The following TRPC6 variants were observed in gnomAD, a reference collection of about 807,000 sequenced individuals.
TRPC6 encodes the protein transient receptor potential cation channel subfamily C member 6, also known as short transient receptor potential channel 6.
TRPC6 carries 55 observed loss-of-function variants against 90.7 expected under a neutral mutation model. The ratio of observed to expected loss-of-function variants is 0.61; its 90% CI spans 0.49 to 0.76. The LOEUF (loss-of-function observed/expected upper bound fraction) is 0.76, where lower values mean the gene tolerates loss of function less well. TRPC6 is among the 30% of genes least tolerant of loss of function. TRPC6 has a pLI of 0.00. For missense variants in TRPC6, 989 were observed against 1,122.7 expected, an observed-to-expected ratio of 0.88 and a Z score of 1.70; for synonymous variants, 393 against 393.0, an observed-to-expected ratio of 1.00 and a Z score of 0.00.
At chr11:101,517,356 T>C (rs1358519467) in intron 1 of TRPC6, among the ~76,000 whole-genome samples, 2 of 152,244 alleles carry the variant, frequency 1.3e-5, no homozygotes, top group Non-Finnish European at 2.9e-5. Context: ...TTACCCTTTT[T>C]CTCTTATGCT....
chr11:101,564,794 C>T (rs1861793338), intron 1 of TRPC6, among the ~76,000 whole-genome samples: 2 of 151,952 alleles, frequency 1.3e-5, no homozygotes, highest in Non-Finnish European at 2.9e-5. Flanking sequence ...AAGTTGGAGG[C>T]ATCACACAAC....
intron 2 of TRPC6, among the ~76,000 whole-genome samples, chr11:101,497,928 A>G (rs533194395): frequency 3.3e-5 from 5 of 152,298 alleles, no homozygotes; most frequent in African/African-American, 7.2e-5. Context: ...ATAAAAAGAA[A>G]CATTGTGTGT....
chr11:101,578,322 G>A (rs1862117295), intron 1 of TRPC6, among the ~76,000 whole-genome samples: 1 of 151,816 alleles, frequency 6.6e-6, no homozygotes, highest in South Asian at 2.1e-4. Flanking sequence ...ACTTCTTTAA[G>A]AGACTAGTTA....
chr11:101,470,820 C>A (rs978820524), intron 9 of TRPC6, among the ~76,000 whole-genome samples: 1 of 102,296 alleles, frequency 9.8e-6, no homozygotes, highest in African/African-American at 4.0e-5. Context: ...CCCCCCCCCT[C>A]CCCGAGTCAT....
At chr11:101,575,268 T>A (rs1478002473) in intron 1 of TRPC6, among the ~76,000 whole-genome samples, 1 of 152,204 alleles carries the variant, frequency 6.6e-6, no homozygotes, top group African/African-American at 2.4e-5. Flanking sequence ...AGTTTGTGGA[T>A]CTTTGGTAAC....
At chr11:101,562,394 C>T (rs1591139627) in intron 1 of TRPC6, among the ~76,000 whole-genome samples, 1 of 152,116 alleles carries the variant, frequency 6.6e-6, no homozygotes, top group South Asian at 2.1e-4. Flanking sequence ...AAGCTTATGG[C>T]TTCATCTTGA....
At chr11:101,539,864 G>T (rs531747075) in intron 1 of TRPC6, among the ~76,000 whole-genome samples, 1 of 152,282 alleles carries the variant, frequency 6.6e-6, no homozygotes, top group East Asian at 1.9e-4. Flanking sequence ...GGGAGTGTTT[G>T]TGAAAGGAAG....
At chr11:101,457,022 T>A (rs573211365) in intron 10 of TRPC6, among the ~76,000 whole-genome samples, 2 of 152,262 alleles carry the variant, frequency 1.3e-5, no homozygotes, top group African/African-American at 4.8e-5. Context: ...TAATATATAA[T>A]TGTTTCCATG....
intron 1 of TRPC6, among the ~76,000 whole-genome samples, chr11:101,556,144 A>G (rs908618064): frequency 3.9e-5 from 6 of 152,186 alleles, no homozygotes; most frequent in Non-Finnish European, 8.8e-5. Context: ...TAACAACCTA[A>G]TATTATACCT....
At chr11:101,496,514 A>G (rs1859953151) in intron 2 of TRPC6, among the ~76,000 whole-genome samples, 1 of 152,226 alleles carries the variant, frequency 6.6e-6, no homozygotes, top group Non-Finnish European at 1.5e-5. Context: ...GAAATGGAAT[A>G]CAATTTCAAA....
chr11:101,566,313 A>C (rs1861828236), intron 1 of TRPC6, among the ~76,000 whole-genome samples: 1 of 152,092 alleles, frequency 6.6e-6, no homozygotes, highest in Non-Finnish European at 1.5e-5. Context: ...TCTTCATTTC[A>C]GTATTTAAGA....
At position 101,455,100 on chromosome 11, in the gene TRPC6, A is replaced by T. The variant is rs1858853619; in HGVS notation, c.2486T>A (p.Val829Asp). The T allele has an allele frequency of 2.5e-6, 4 of 1,611,344 alleles. No homozygotes were observed. Among genetic ancestry groups the T allele is most frequent in the Middle Eastern group, 1.7e-4 (1 of 6,040 alleles). The change falls in exon 11 of 13, where the codon GTT becomes GAT. Residue 829 changes from valine (V) to aspartate (D), a missense_variant and splice_region_variant. Val to Asp is a radical substitution (Grantham distance 152). Around this residue, in one of 4 missense-constraint regions of TRPC6, gnomAD observed 191 missense variants for 196.7 expected, o/e 0.97. Transcript: ENST00000344327. ...LSKLSLDKKQ[V>D]GHNKQPSIRS... is the part of the protein sequence containing the mutation. ...TATACTTGGTTGTTTATTGTGCCCAACCTGTAATTTGAAAAGATTTAGAAA... is the reference window on the plus strand; with the variant it reads ...TATACTTGGTTGTTTATTGTGCCCATCCTGTAATTTGAAAAGATTTAGAAA...
At chr11:101,500,535 T>G (rs1454512440) in intron 2 of TRPC6, among the ~76,000 whole-genome samples, 1 of 152,116 alleles carries the variant, frequency 6.6e-6, no homozygotes, top group Non-Finnish European at 1.5e-5. Context: ...ACAGCTGGGT[T>G]GATTTTTGTA....
intron 1 of TRPC6, among the ~76,000 whole-genome samples, chr11:101,524,598 C>T (rs114481096): frequency 0.01 from 1,544 of 152,276 alleles, 31 homozygotes; most frequent in African/African-American, 0.036. Flanking sequence ...GTAATTCTAC[C>T]GTTAAATATA....
chr11:101,554,463 A>C (rs994492730), intron 1 of TRPC6, among the ~76,000 whole-genome samples: 1 of 152,062 alleles, frequency 6.6e-6, no homozygotes, highest in Admixed American at 6.6e-5. Context: ...TTATGTTGGA[A>C]TCCTTAATGT....
intron 1 of TRPC6, among the ~76,000 whole-genome samples, chr11:101,539,361 C>T (rs2136816007): frequency 6.6e-6 from 1 of 152,326 alleles, no homozygotes; most frequent in Non-Finnish European, 1.5e-5. Flanking sequence ...AGCTGCTGTT[C>T]TCAGACTGCC....
intron 1 of TRPC6, among the ~76,000 whole-genome samples, chr11:101,550,735 C>T (rs921202074): frequency 1.3e-5 from 2 of 151,600 alleles, no homozygotes; most frequent in African/African-American, 4.8e-5. Context: ...ATACACACAA[C>T]ATGGAGAGTA....
At chr11:101,555,200 G>C (rs7926503) in intron 1 of TRPC6, among the ~76,000 whole-genome samples, 15,631 of 152,174 alleles carry the variant, frequency 0.1, 910 homozygotes, top group Middle Eastern at 0.14. Context: ...ATGAAATCAG[G>C]CTTCACCTAT....
At position 101,489,880 on chromosome 11, in the gene TRPC6, G is replaced by A. The variant is rs1258127203; in HGVS notation, c.1129-779C>T. ...GTAGTTTGAGAGATAGGTAGAAAAGGAGTTGAGTCTAAAACAAGATAGAAT... is the reference window on the plus strand; with the variant it reads ...GTAGTTTGAGAGATAGGTAGAAAAGAAGTTGAGTCTAAAACAAGATAGAAT... On this transcript the variant is annotated intron_variant, in intron 3 of 12. Transcript: ENST00000344327. Among the ~76,000 whole-genome samples, 4 of 152,184 alleles carry A rather than the reference G, an allele frequency of 2.6e-5. No individual in the cohort carries two copies. In the East Asian group the frequency reaches 7.7e-4, roughly 29 times the overall value.
Sources: gnomAD v4.1 joint callset for allele counts (sites outside exome capture counted in the v4.1 genomes callset) on GRCh38, gnomAD v4.1.1 for gene constraint, gnomAD v4.1.1 regional missense constraint, MANE v1.5 for transcripts, NCBI Gene and HGNC (gene_info 2026-07-23, HGNC 2026-07-21) for gene names.